The following FEZ1 variants were observed in gnomAD, a reference collection of about 807,000 sequenced individuals.
FEZ1 encodes the protein fasciculation and elongation protein zeta 1, also known as fasciculation and elongation protein zeta-1.
Under a neutral mutation model 49.3 loss-of-function variants are expected in FEZ1, and 20 were observed. The ratio of observed to expected loss-of-function variants is 0.41; its 90% confidence interval spans 0.29 to 0.59. The LOEUF is 0.59. FEZ1 is among the 20% of genes least tolerant of loss of function. The pLI is 0.36. For synonymous variants in FEZ1, 170 were observed against 180.9 expected, an observed-to-expected ratio of 0.94 and a Z score of 0.48; for missense variants, 413 against 476.0, an observed-to-expected ratio of 0.87 and a Z score of 1.23.
intron 3 of FEZ1, among the ~76,000 whole-genome samples, chr11:125,473,393 C>T (rs1306185950): frequency 6.6e-6 from 1 of 152,158 alleles, no homozygotes; most frequent in Non-Finnish European, 1.5e-5. Context: ...CCTCGGTAGT[C>T]CCAGCAATTG....
At chr11:125,473,512 A>G (rs1957201030) in intron 3 of FEZ1, among the ~76,000 whole-genome samples, 1 of 152,152 alleles carries the variant, frequency 6.6e-6, no homozygotes, top group South Asian at 2.1e-4. Context: ...CCCTTACTCC[A>G]TACTATATAC....
chr11:125,470,442 C>T (rs1017799110), intron 3 of FEZ1, among the ~76,000 whole-genome samples: 2 of 152,146 alleles, frequency 1.3e-5, no homozygotes, highest in African/African-American at 4.8e-5. Context: ...AGAAGATCAG[C>T]TTCAGAAGTC....
At chr11:125,459,313 C>G (rs887242636) in intron 5 of FEZ1, among the ~76,000 whole-genome samples, 3 of 152,078 alleles carry the variant, frequency 2.0e-5, no homozygotes, top group African/African-American at 7.2e-5. Flanking sequence ...TTTTCTAGGC[C>G]GGGCATGGTG....
At position 125,454,151 on chromosome 11, in the gene FEZ1, G is replaced by A. The variant is rs1019971511; in HGVS notation, c.999C>T (p.Gly333=). 3 of 1,613,452 alleles carry A rather than the reference G, an allele frequency of 1.9e-6. No homozygotes were observed. In the African/African-American group the frequency reaches 4.0e-5, roughly 22 times the overall value. ...GTACCTGTTTGTCAGTTCCTGAGGA[G>A]CCAAAGGTCTGGCGGATGCCACTCT... ...ILQSGIRQTF[G]SSGTDKQYLN... Residue 333 remains glycine (G), a synonymous_variant, in exon 7 of 10, where the codon GGC becomes GGT. Coordinates refer to ENST00000278919, the MANE Select transcript of FEZ1 (RefSeq NM_005103.5).
At position 125,495,379 on chromosome 11, in the gene FEZ1, C is replaced by T. The variant is rs1335014458; in HGVS notation, c.-46+742G>A. On this transcript the variant is annotated intron_variant, in intron 1 of 9. Transcript: ENST00000278919. The surrounding 1 kb of genome is among the most constrained non-coding windows in gnomAD (Gnocchi z 4.2). ...ATAGGCAAAAGGGAAGAAGAGCGGG[C>T]TGTGATACCTCCTCGACGCCGTCAA... 2 of 470,654 alleles carry T rather than the reference C, an allele frequency of 4.2e-6. No individual in the cohort carries two copies. Among genetic ancestry groups the T allele is most frequent in the Admixed American group, 4.7e-5 (2 of 42,552 alleles). 29.2% of individuals were successfully genotyped at this position (470,654 alleles called of 1,614,324 possible).
At chr11:125,494,518 C>T (rs758807240) in intron 1 of FEZ1, among the ~76,000 whole-genome samples, 4 of 152,130 alleles carry the variant, frequency 2.6e-5, no homozygotes, top group Non-Finnish European at 2.9e-5. Context: ...TAGCTTATTC[C>T]CTTTAGACTT....
intron 1 of FEZ1, among the ~76,000 whole-genome samples, chr11:125,493,334 C>CAAGA (rs201528813): frequency 0.021 from 1,985 of 95,118 alleles, 115 homozygotes; most frequent in Middle Eastern, 0.041. Flanking sequence ...AACTCCATCT[C>CAAGA]AAGAAAGAAA....
chr11:125,488,973 G>A, intron 2 of FEZ1: 1 of 985,486 alleles, frequency 1.0e-6, no homozygotes, highest in African/African-American at 1.7e-5. Flanking sequence ...TCTCAGTTCA[G>A]TTTAGATGCT....
chr11:125,451,190 C>T (rs1956951314), intron 8 of FEZ1, among the ~76,000 whole-genome samples: 4 of 152,034 alleles, frequency 2.6e-5, no homozygotes, highest in Admixed American at 2.6e-4. Flanking sequence ...GTCAGTTCAT[C>T]TCTATTTTCT....
intron 2 of FEZ1, among the ~76,000 whole-genome samples, chr11:125,488,449 G>A (rs1957347768): frequency 6.6e-6 from 1 of 152,226 alleles, no homozygotes; most frequent in Non-Finnish European, 1.5e-5. Flanking sequence ...GGGAGGCCAA[G>A]GCGGGCAAAT....
chr11:125,459,242 CAG>C (rs1957049391), intron 5 of FEZ1, among the ~76,000 whole-genome samples: 1 of 152,174 alleles, frequency 6.6e-6, no homozygotes, highest in Non-Finnish European at 1.5e-5. Context: ...GCAGTCTCTT[CAG>C]AGAGTTGTCT....
chr11:125,449,583 A>G (rs1037652106), intron 8 of FEZ1, among the ~76,000 whole-genome samples: 5 of 152,158 alleles, frequency 3.3e-5, no homozygotes, highest in African/African-American at 1.2e-4. Context: ...ACAATAATAC[A>G]TGAAACTGTT....
chr11:125,447,095 G>A (rs916905953), intron 9 of FEZ1, among the ~76,000 whole-genome samples: 1 of 152,090 alleles, frequency 6.6e-6, no homozygotes, highest in Non-Finnish European at 1.5e-5. Flanking sequence ...AATCCTCAAG[G>A]ACTATTAACA....
At chr11:125,493,334 C>CAAGAAAGAAAGA (rs201528813) in intron 1 of FEZ1, among the ~76,000 whole-genome samples, 2 of 95,874 alleles carry the variant, frequency 2.1e-5, no homozygotes, top group South Asian at 6.8e-4. Flanking sequence ...AACTCCATCT[C>CAAGAAAGAAAGA]AAGAAAGAAA....
In FEZ1 at chr11:125,445,725, A is replaced by C; in HGVS notation, c.*370T>G. The C allele has an allele frequency of 2.9e-6, 1 of 349,024 alleles. No individual in the cohort carries two copies. Among genetic ancestry groups the C allele is most frequent in the South Asian group, 2.2e-5 (1 of 45,614 alleles). 21.6% of individuals were successfully genotyped at this position (349,024 alleles called of 1,614,324 possible). ...AGTCTGGAGCAGAGGGCTAATGGAC[A>C]TCACACTCCAAAGCACATGAAGAAT... is the stretch of plus-strand genomic sequence containing the variant. On this transcript the variant is annotated 3_prime_UTR_variant, in exon 10 of 10. Transcript: ENST00000278919. The surrounding 1 kb of genome is among the most constrained non-coding windows in gnomAD (Gnocchi z 4.4).
rs1565308590 is a variant in FEZ1, at chr11:125,495,595, G to T, written c.-46+526C>A. The T allele has an allele frequency of 2.1e-6, 1 of 469,028 alleles. No individual in the cohort carries two copies. The highest frequency in any genetic ancestry group is 7.0e-5 in the East Asian group (1 of 14,332). The allele number at this position is 469,028 out of a possible 1,614,324, so 29.1% of individuals were successfully genotyped here. Reference sequence around the variant, plus strand: ...TGGGGAAGGCTCCGCACTCTGGGGAGGGGCACGAGCGGGGTCGGGGGTAAG... The same window carrying T: ...TGGGGAAGGCTCCGCACTCTGGGGATGGGCACGAGCGGGGTCGGGGGTAAG... On this transcript the variant is annotated intron_variant, in intron 1 of 9. Transcript: ENST00000278919. The surrounding 1 kb of genome is among the most constrained non-coding windows in gnomAD (Gnocchi z 4.2).
chr11:125,454,051 C>T, intron 7 of FEZ1, 79 bp downstream of exon 7: 2 of 870,154 alleles, frequency 2.3e-6, no homozygotes. Context: ...TCTGGTGAGT[C>T]ACTGTCCCCC....
chr11:125,488,536 C>G (rs964898577), intron 2 of FEZ1, among the ~76,000 whole-genome samples: 1 of 152,022 alleles, frequency 6.6e-6, no homozygotes, highest in Non-Finnish European at 1.5e-5. Context: ...AAAAATTAGT[C>G]GGGCATGGTG....
intron 8 of FEZ1, chr11:125,451,367 T>G (rs1366596245): frequency 1.3e-5 from 2 of 152,238 alleles, no homozygotes; most frequent in Admixed American, 1.3e-4. Context: ...CAGAACCTCC[T>G]GCTTTCACTC....
Sources: gnomAD v4.1 joint callset for allele counts (sites outside exome capture counted in the v4.1 genomes callset) on GRCh38, gnomAD v4.1.1 for gene constraint, Gnocchi (gnomAD v3.1) non-coding constraint, MANE v1.5 for transcripts, NCBI Gene and HGNC (gene_info 2026-07-23, HGNC 2026-07-21) for gene names.